Variants in COL6A5 observed in about 807,000 individuals in gnomAD.
COL6A5 encodes the protein collagen alpha-5(VI) chain.
A neutral mutation model predicts 65.6 loss-of-function variants in COL6A5; 48 were observed. That is an observed-to-expected ratio of 0.73 (90% CI 0.58 to 0.93). COL6A5 has a LOEUF of 0.93. Among genes scored for constraint, COL6A5 ranks in the 40% least tolerant of loss-of-function variants. COL6A5 has a pLI of 0.00. For synonymous variants in COL6A5, 291 were observed against 322.8 expected (o/e 0.90, Z 1.05); for missense variants, 914 against 928.3 (o/e 0.98, Z 0.20).
chr3:130,426,181 AC>A (rs1447893830), intron 29 of COL6A5, 32 bp from the exon 30 acceptor site: 1 of 1,548,838 alleles, frequency 6.5e-7, no homozygotes, highest in Non-Finnish European at 8.7e-7. Context: ...CAGTTGGCAT[AC>A]CACTAACTTG....
Position 130,477,125 on chromosome 3 carries a change from C to G in COL6A5, c.2328+6158C>G, listed in dbSNP as rs1710119356. On this transcript the variant is annotated intron_variant, in intron 7 of 7. Coordinates refer to ENST00000512836, the Ensembl canonical transcript of COL6A5. The stretch of plus-strand genomic sequence containing the variant: ...TACTTTCGTCATAGTGATTCATACT[C>G]TATGTTTATAGAACGTAAGTTTACC... 9 of 1,397,720 alleles carry G rather than the reference C, an allele frequency of 6.4e-6. No individual in the cohort carries two copies. The South Asian group carries it at 8.7e-5, about 13-fold the overall frequency. The allele number at this position is 1,397,720 out of a possible 1,614,324, so 86.6% of individuals were successfully genotyped here. A position where few individuals can be genotyped will look rare whatever the true frequency, so the allele number is the denominator to read the frequency against.
intron 1 of COL6A5, among the ~76,000 whole-genome samples, chr3:130,351,960 T>C (rs962456529): frequency 6.6e-6 from 1 of 152,170 alleles, no homozygotes; most frequent in Non-Finnish European, 1.5e-5. Flanking sequence ...ATATACACCA[T>C]GGAATACTAT....
intron 4 of COL6A5, among the ~76,000 whole-genome samples, chr3:130,444,077 A>G (rs899382585): frequency 6.6e-5 from 10 of 152,272 alleles, no homozygotes; most frequent in Non-Finnish European, 1.0e-4. Context: ...GAATTCAGCG[A>G]TATTTCTCCC....
chr3:130,469,277 G>T (rs75328271), exon 6 of COL6A5: 1 of 1,612,970 alleles, frequency 6.2e-7, no homozygotes, highest in East Asian at 2.2e-5. Context: ...AGACAAAGAC[G>T]TCTTAAGGAA....
chr3:130,435,687 C>G (rs776977065), intron 1 of COL6A5, among the ~76,000 whole-genome samples: 5 of 152,076 alleles, frequency 3.3e-5, no homozygotes, highest in Non-Finnish European at 5.9e-5. Context: ...ATTGTATTCT[C>G]TTTGTGGTGA....
intron 1 of COL6A5, among the ~76,000 whole-genome samples, chr3:130,354,491 A>G (rs1329590618): frequency 2.0e-5 from 3 of 152,216 alleles, no homozygotes; most frequent in African/African-American, 4.8e-5. Flanking sequence ...CCGAGAACCA[A>G]CATTCTCTAG....
intron 1 of COL6A5, among the ~76,000 whole-genome samples, chr3:130,368,040 G>T (rs938962254): frequency 5.3e-5 from 8 of 152,126 alleles, no homozygotes; most frequent in African/African-American, 1.9e-4. Flanking sequence ...TCCTAGTACT[G>T]CTGCCAAACC....
chr3:130,470,579 T>C (rs920178976), intron 6 of COL6A5, among the ~76,000 whole-genome samples: 4 of 151,902 alleles, frequency 2.6e-5, no homozygotes, highest in African/African-American at 9.7e-5. Flanking sequence ...TCTAGAAAGA[T>C]CCTCCTTTTA....
intron 7 of COL6A5, among the ~76,000 whole-genome samples, chr3:130,482,392 C>T (rs915107738): frequency 2.0e-5 from 3 of 152,120 alleles, no homozygotes; most frequent in Admixed American, 2.0e-4. Context: ...CTGTTCTGTT[C>T]CATTGGTCTA....
At chr3:130,384,828 A>T (rs754422889) in exon 5 of COL6A5, 177 of 1,548,612 alleles carry the variant, frequency 1.1e-4, no homozygotes, top group South Asian at 4.2e-4. Context: ...AAAGAGGCTG[A>T]TATCCACTTC....
At chr3:130,415,548 T>A in intron 22 of COL6A5, 97 bp from the exon 23 acceptor site, 1 of 1,130,850 alleles carries the variant, frequency 8.8e-7, no homozygotes. Flanking sequence ...TGGGAAGGGC[T>A]GGACCATTGC....
At chr3:130,440,337 T>C (rs1709146609) in exon 3 of COL6A5, 1 of 1,613,488 alleles carries the variant, frequency 6.2e-7, no homozygotes. Flanking sequence ...TCAGACCCTT[T>C]AATCTCAGAC....
At chr3:130,463,242 C>T (rs996164151) in intron 5 of COL6A5, among the ~76,000 whole-genome samples, 2 of 152,128 alleles carry the variant, frequency 1.3e-5, no homozygotes, top group African/African-American at 2.4e-5. Context: ...GACAGAACCT[C>T]ACACATCAAG....
intron 7 of COL6A5, among the ~76,000 whole-genome samples, chr3:130,478,255 T>C (rs141895754): frequency 2.0e-5 from 3 of 152,230 alleles, no homozygotes; most frequent in East Asian, 1.9e-4. Flanking sequence ...ATGTTGATGA[T>C]GACAGTGATG....
chr3:130,379,813 CATG>C, exon 4 of COL6A5: 1 of 1,551,358 alleles, frequency 6.4e-7, no homozygotes, highest in Non-Finnish European at 8.7e-7. Flanking sequence ...TGATGAGGTG[CATG>C]ATGCTGCGCT....
chr3:130,349,467 A>G (rs537862102), intron 1 of COL6A5, among the ~76,000 whole-genome samples: 2 of 152,338 alleles, frequency 1.3e-5, no homozygotes, highest in East Asian at 1.9e-4. Flanking sequence ...CATAGTATGT[A>G]TTAAATGTAT....
intron 7 of COL6A5, among the ~76,000 whole-genome samples, chr3:130,473,761 A>C (rs558762279): frequency 6.6e-6 from 1 of 152,208 alleles, no homozygotes; most frequent in Non-Finnish European, 1.5e-5. Flanking sequence ...ACCTGTGATC[A>C]ATTAAGCAGC....
intron 2 of COL6A5, among the ~76,000 whole-genome samples, chr3:130,375,201 C>T (rs1054456593): frequency 1.3e-5 from 2 of 152,148 alleles, no homozygotes; most frequent in Non-Finnish European, 2.9e-5. Context: ...CATGGCTGTG[C>T]CCCATTTTCT....
Position 130,416,744 on chromosome 3 carries a change from A to AT in COL6A5, c.4825-4dup, listed in dbSNP as rs370724227. The AT allele has an allele frequency of 1.7e-3, 2,401 of 1,390,006 alleles. No homozygotes were observed. The highest frequency in any genetic ancestry group is 1.9e-3 in the Non-Finnish European group (1,985 of 1,018,802). The allele number at this position is 1,390,006 out of a possible 1,614,324, so 86.1% of individuals were successfully genotyped here. ...TACGGTGCCAACATTTTAGTCTCTAATTTTTTTTTCAGGGTTCTCCTGGGC... is the reference window on the plus strand; with the variant it reads ...TACGGTGCCAACATTTTAGTCTCTAATTTTTTTTTTCAGGGTTCTCCTGGGC... On this transcript the variant is annotated splice_polypyrimidine_tract_variant and intron_variant and NMD_transcript_variant, in intron 23 of 41. Transcript: ENST00000312481.
Sources: gnomAD v4.1 joint callset for allele counts (sites outside exome capture counted in the v4.1 genomes callset) on GRCh38, gnomAD v4.1.1 for gene constraint, MANE v1.5 for transcripts, NCBI Gene and HGNC (gene_info 2026-07-23, HGNC 2026-07-21) for gene names.